NEGR1: variants seen among roughly 807,000 people sequenced by gnomAD.
NEGR1 encodes IgLON family member 4.
In NEGR1, 10 loss-of-function variants were observed where a neutral mutation model predicts 40.9. The observed-to-expected ratio is 0.24, with a 90% CI of 0.15 to 0.42. NEGR1 has a LOEUF of 0.42. Among genes scored for constraint, NEGR1 ranks in the 10% least tolerant of loss-of-function variants. The probability of loss-of-function intolerance (pLI) is 1.00; values close to 1 mark genes in which losing one functional copy is unlikely to be tolerated. For missense variants in NEGR1, 352 were observed against 438.9 expected (o/e 0.80, Z 1.77); for synonymous variants, 185 against 166.8 (o/e 1.11, Z -0.84).
At chr1:71,578,654 A>C (rs912342351) in intron 6 of NEGR1, among the ~76,000 whole-genome samples, 12 of 152,102 alleles carry the variant, frequency 7.9e-5, no homozygotes, top group African/African-American at 2.7e-4. Flanking sequence ...TTCTTGAAAC[A>C]TCCTGTATAA....
At chr1:71,796,793 T>C (rs544092023) in intron 2 of NEGR1, among the ~76,000 whole-genome samples, 2 of 152,118 alleles carry the variant, frequency 1.3e-5, no homozygotes, top group South Asian at 2.1e-4. Context: ...ACAAAAGAAG[T>C]AAGTAAATTG....
At chr1:72,121,998 C>G (rs1038045303) in intron 1 of NEGR1, among the ~76,000 whole-genome samples, 9 of 151,678 alleles carry the variant, frequency 5.9e-5, no homozygotes, top group African/African-American at 1.9e-4. Context: ...ACCCAGATAC[C>G]AAACTAAATA....
chr1:72,263,819 G>C (rs1655547917), intron 1 of NEGR1, among the ~76,000 whole-genome samples: 1 of 151,414 alleles, frequency 6.6e-6, no homozygotes, highest in Non-Finnish European at 1.5e-5. Flanking sequence ...AATTAAAAAT[G>C]ACAATGAAAA....
intron 1 of NEGR1, among the ~76,000 whole-genome samples, chr1:72,275,476 G>A (rs1281535518): frequency 6.6e-6 from 1 of 151,794 alleles, no homozygotes; most frequent in African/African-American, 2.4e-5. Flanking sequence ...GATACTCCTA[G>A]GGAAAAAAAA....
At chr1:72,030,257 C>T (rs1344224460) in intron 1 of NEGR1, among the ~76,000 whole-genome samples, 1 of 151,428 alleles carries the variant, frequency 6.6e-6, no homozygotes, top group African/African-American at 2.4e-5. Context: ...TGCCGTGGTG[C>T]AATCTTGGCT....
intron 3 of NEGR1, among the ~76,000 whole-genome samples, chr1:71,718,931 C>G (rs1243376019): frequency 6.6e-6 from 1 of 152,096 alleles, no homozygotes; most frequent in African/African-American, 2.4e-5. Flanking sequence ...TCAGCCAAGT[C>G]TAAAGAAAAA....
intron 2 of NEGR1, among the ~76,000 whole-genome samples, chr1:71,913,869 A>T (rs1461056356): frequency 1.3e-5 from 2 of 151,852 alleles, no homozygotes; most frequent in African/African-American, 4.8e-5. Flanking sequence ...AAAAAAAAAA[A>T]ACAGTGATAA....
intron 6 of NEGR1, among the ~76,000 whole-genome samples, chr1:71,510,416 G>T (rs1431469045): frequency 6.6e-6 from 1 of 152,136 alleles, no homozygotes; most frequent in East Asian, 1.9e-4. Context: ...GAATTTGAAA[G>T]AAACCATTTT....
chr1:71,830,988 T>G (rs76876174), intron 2 of NEGR1, among the ~76,000 whole-genome samples: 3,420 of 152,068 alleles, frequency 0.022, 56 homozygotes, highest in African/African-American at 0.035. Context: ...TCTTGGAATA[T>G]GTTAAACTGT....
At chr1:71,495,786 G>A (rs1026775610) in intron 6 of NEGR1, among the ~76,000 whole-genome samples, 84 of 152,206 alleles carry the variant, frequency 5.5e-4, no homozygotes, top group African/African-American at 2.0e-3. Context: ...AAGAGAGGAT[G>A]GTAGTGATAC....
intron 6 of NEGR1, among the ~76,000 whole-genome samples, chr1:71,549,167 T>C (rs1647995192): frequency 6.6e-6 from 1 of 151,754 alleles, no homozygotes; most frequent in Non-Finnish European, 1.5e-5. Context: ...AAATATTTTG[T>C]CTAACCTAGG....
At chr1:71,609,312 A>G (rs1032048095) in intron 5 of NEGR1, among the ~76,000 whole-genome samples, 34 of 151,464 alleles carry the variant, frequency 2.2e-4, no homozygotes, top group African/African-American at 8.2e-4. Context: ...TCAGGAGATC[A>G]AGACCATCCT....
chr1:71,995,170 A>C (rs945078356), intron 1 of NEGR1, among the ~76,000 whole-genome samples: 3 of 152,182 alleles, frequency 2.0e-5, no homozygotes, highest in Non-Finnish European at 4.4e-5. Flanking sequence ...AATCACACTC[A>C]GATCAGAGGA....
chr1:71,533,043 G>A lies in NEGR1; in HGVS notation c.940+59774C>T, dbSNP rs12064006. Among the ~76,000 whole-genome samples the A allele has an allele frequency of 1.7e-3, 252 of 151,614 alleles. 1 individual carries two copies. The highest frequency in any genetic ancestry group is 2.3e-3 in the Non-Finnish European group (155 of 67,670). On this transcript the variant is annotated intron_variant, in intron 6 of 6. Transcript: ENST00000357731. ...CTTTGATATGAAGACTTCCCTGACC[G>A]TGGACACAATTGACCAAAATCCAAT...
chr1:72,198,104 AGT>A (rs1187125703), intron 1 of NEGR1, among the ~76,000 whole-genome samples: 1 of 151,996 alleles, frequency 6.6e-6, no homozygotes, highest in African/African-American at 2.4e-5. Context: ...TTCCCCAAGT[AGT>A]TTTCTTCCTG....
At chr1:72,209,125 G>A (rs1264349189) in intron 1 of NEGR1, among the ~76,000 whole-genome samples, 1 of 151,318 alleles carries the variant, frequency 6.6e-6, no homozygotes, top group African/African-American at 2.4e-5. Context: ...AAGAGATTTA[G>A]ATTTTTTTTC....
intron 4 of NEGR1, among the ~76,000 whole-genome samples, chr1:71,688,115 A>C (rs957950766): frequency 6.6e-6 from 1 of 151,264 alleles, no homozygotes; most frequent in African/African-American, 2.4e-5. Context: ...GTCTTAACTC[A>C]GTTAATCCTC....
chr1:72,157,251 G>A (rs536455828), intron 1 of NEGR1, among the ~76,000 whole-genome samples: 39 of 152,124 alleles, frequency 2.6e-4, no homozygotes, highest in Admixed American at 1.4e-3. Flanking sequence ...GATTACAAGC[G>A]TGAGCCACCA....
chr1:72,224,931 T>C lies in NEGR1; in HGVS notation c.176+57388A>G, dbSNP rs1654127433. Among the ~76,000 whole-genome samples, 6 of 152,088 alleles carry C rather than the reference T, an allele frequency of 3.9e-5. No homozygotes were observed. The South Asian group carries it at 1.2e-3, about 31-fold the overall frequency. On this transcript the variant is annotated intron_variant, in intron 1 of 6. Coordinates refer to ENST00000357731, the MANE Select transcript of NEGR1 (RefSeq NM_173808.3). ...TAACATCATGAATTATGTTATAGGT[T>C]ATAGTTATTTCAATGGCTTTACAAA...
Sources: gnomAD v4.1 joint callset for allele counts (sites outside exome capture counted in the v4.1 genomes callset) on GRCh38, gnomAD v4.1.1 for gene constraint, MANE v1.5 for transcripts, NCBI Gene and HGNC (gene_info 2026-07-23, HGNC 2026-07-21) for gene names.